Variants in RPP14 observed in about 807,000 individuals in gnomAD.
RPP14 encodes the protein ribonuclease P protein subunit p14.
Under a neutral mutation model 17.8 loss-of-function variants are expected in RPP14, and 19 were observed. That is an observed-to-expected ratio of 1.07 (90% CI 0.74 to 1.57). The LOEUF is 1.57. Ranked by LOEUF, RPP14 falls within the 40% of genes most tolerant of loss-of-function variation. The pLI, the probability that RPP14 is intolerant of heterozygous loss-of-function variation, is 0.00. For synonymous variants in RPP14, 60 were observed against 56.4 expected (o/e 1.06, Z -0.29); for missense variants, 125 against 140.8 (o/e 0.89, Z 0.57).
intron 3 of RPP14, among the ~76,000 whole-genome samples, chr3:58,314,240 A>G (rs1296560625): frequency 6.6e-6 from 1 of 152,116 alleles, no homozygotes; most frequent in Non-Finnish European, 1.5e-5. Context: ...AACCCCAGCT[A>G]CTCGGGAGGT....
rs1559793022 is a variant in RPP14, at chr3:58,310,497, C to G, written c.78-10C>G. 3.1e-6 allele frequency: 5 copies of G among 1,590,224 alleles called. No individual in the cohort carries two copies. Among genetic ancestry groups the G allele is most frequent in the Non-Finnish European group, 2.6e-6 (3 of 1,168,506 alleles). ...TTTAATATGACTTTTTTTTTTTTCA[C>G]TTTTTTTAGAGAATTTCAAGATTGT... On this transcript the variant is annotated splice_polypyrimidine_tract_variant and intron_variant, in intron 2 of 5. Transcript: ENST00000295959.
intron 1 of RPP14, among the ~76,000 whole-genome samples, chr3:58,307,595 G>A (rs2097476883): frequency 6.6e-6 from 1 of 152,112 alleles, no homozygotes; most frequent in African/African-American, 2.4e-5. Context: ...GCGTGATGAC[G>A]TACGCCTGTA....
intron 3 of RPP14, among the ~76,000 whole-genome samples, chr3:58,316,053 T>C (rs2097487976): frequency 1.3e-5 from 2 of 152,228 alleles, no homozygotes; most frequent in South Asian, 2.1e-4. Flanking sequence ...AAAATATCCC[T>C]GTGTGTACCT....
Position 58,317,487 on chromosome 3 carries a change from A to G in RPP14, c.366A>G (p.Val122=), listed in dbSNP as rs1337010996. The change falls in exon 6 of 6, where the codon GTA becomes GTG. Residue 122 remains valine (V), a synonymous_variant. Transcript: ENST00000295959. ...LALSGNSREL[V]LD is the part of the protein sequence containing the mutation. ...TATCTGGTAATAGTAGGGAACTAGT[A>G]TTGGATTGAATGAATAGTCTTCCAT... The G allele has an allele frequency of 2.5e-6, 4 of 1,581,506 alleles. No homozygotes were observed. Among genetic ancestry groups the G allele is most frequent in the Non-Finnish European group, 3.5e-6 (4 of 1,152,110 alleles).
intron 5 of RPP14, 112 bp downstream of exon 5, chr3:58,317,105 T>G (rs1223880945): frequency 5.2e-6 from 4 of 767,946 alleles, no homozygotes; most frequent in Non-Finnish European, 8.6e-6. Flanking sequence ...GTTAAAATGA[T>G]CTAAGTAGGG....
Position 58,312,337 on chromosome 3 carries a change from C to A in RPP14, c.162+1746C>A, listed in dbSNP as rs530728549. Among the ~76,000 whole-genome samples, 6 of 126,498 alleles carry A rather than the reference C, an allele frequency of 4.7e-5. 1 individual carries two copies. Among genetic ancestry groups the A allele is most frequent in the African/African-American group, 1.7e-4 (6 of 34,384 alleles). 83.0% of individuals were successfully genotyped at this position (126,498 alleles called of 152,430 possible). A position where few individuals can be genotyped will look rare whatever the true frequency, so the allele number is the denominator to read the frequency against. ...AGTGCAGTGGCACAACCTCCGCACC[C>A]CCCCCCGCCCCTCCCGGATTCAAGT... is the stretch of plus-strand genomic sequence containing the variant. On this transcript the variant is annotated intron_variant, in intron 3 of 5. Transcript: ENST00000295959.
intron 1 of RPP14, chr3:58,310,100 T>C: frequency 1.9e-6 from 1 of 535,130 alleles, no homozygotes; most frequent in South Asian, 2.3e-5. Flanking sequence ...CTCAGGAGTC[T>C]GAGGCAGGAG....
At chr3:58,316,037 T>A (rs115040656) in intron 3 of RPP14, among the ~76,000 whole-genome samples, 4,084 of 151,816 alleles carry the variant, frequency 0.027, 112 homozygotes, top group African/African-American at 0.067. Flanking sequence ...TACAAAATTT[T>A]AAAAAAAAAT....
chr3:58,316,870 TTC>T, intron 4 of RPP14, 43 bp from the exon 5 acceptor site: 3 of 1,484,702 alleles, frequency 2.0e-6, no homozygotes, highest in Non-Finnish European at 2.8e-6. Context: ...GTTCATTTTG[TTC>T]TCTGTCTATG....
chr3:58,308,907 A>G (rs1335339219), intron 1 of RPP14, among the ~76,000 whole-genome samples: 1 of 152,264 alleles, frequency 6.6e-6, no homozygotes. Context: ...ACCTATCCAG[A>G]GGGAGAGCAA....
At position 58,316,607 on chromosome 3, in the gene RPP14, G is replaced by T; in HGVS notation, c.239+16G>T. The T allele has an allele frequency of 6.2e-7, 1 of 1,605,710 alleles. No individual in the cohort carries two copies. Among genetic ancestry groups the T allele is most frequent in the Non-Finnish European group, 8.5e-7 (1 of 1,172,532 alleles). ...TATGTAGCAGGTATGACAGAGAGTG[G>T]GAAATTTCTAGTATAACAGGGCAGA... On this transcript the variant is annotated intron_variant, in intron 4 of 5. Transcript: ENST00000295959.
chr3:58,311,666 T>G (rs2097482370), intron 3 of RPP14, among the ~76,000 whole-genome samples: 1 of 134,376 alleles, frequency 7.4e-6, no homozygotes, highest in African/African-American at 2.7e-5. Context: ...AGTTCTACAT[T>G]TTGCCTATTG....
chr3:58,310,154 C>T, intron 1 of RPP14, 155 bp from the exon 2 acceptor site: 1 of 602,958 alleles, frequency 1.7e-6, no homozygotes, highest in Admixed American at 2.9e-5. Flanking sequence ...CTGCAGTGAA[C>T]TCTGATTGTA....
chr3:58,310,561 T>G lies in RPP14; in HGVS notation c.132T>G (p.Leu44=). The stretch of plus-strand genomic sequence containing the variant: ...ATGCTGCACAGTTCAAACAGCTGCT[T>G]ATTTCGGCTGTGAAGGACCTGTTTG... The part of the protein sequence containing the change: ...GLNAAQFKQL[L]ISAVKDLFGE... The change falls in exon 3 of 6, where the codon CTT becomes CTG. Residue 44 remains leucine, a synonymous_variant. Coordinates refer to ENST00000295959, the MANE Select transcript of RPP14 (RefSeq NM_007042.6). The G allele has an allele frequency of 6.2e-7, 1 of 1,613,342 alleles. No individual in the cohort carries two copies. Among genetic ancestry groups the G allele is most frequent in the Non-Finnish European group, 8.5e-7 (1 of 1,179,788 alleles).
rs1469998670 is a variant in RPP14, at chr3:58,310,633, G to A, written c.162+42G>A. On this transcript the variant is annotated intron_variant, in intron 3 of 5. Coordinates refer to ENST00000295959, the MANE Select transcript of RPP14 (RefSeq NM_007042.6). ...TAGATTGAACATTCCAAAGATCTTT[G>A]TAAGAAATACAGAAAGAGGCCGGGC... The A allele has an allele frequency of 1.9e-6, 3 of 1,546,840 alleles. No individual in the cohort carries two copies. The African/African-American group carries it at 4.2e-5, about 21-fold the overall frequency.
chr3:58,310,781 T>G (rs979568037), intron 3 of RPP14, among the ~76,000 whole-genome samples, 190 bp downstream of exon 3: 4 of 151,960 alleles, frequency 2.6e-5, no homozygotes, highest in African/African-American at 7.2e-5. Flanking sequence ...ACTGCAAAGA[T>G]AAGCTGGGTG....
chr3:58,310,681 C>G, intron 3 of RPP14, 90 bp downstream of exon 3: 2 of 1,135,482 alleles, frequency 1.8e-6, no homozygotes, highest in Admixed American at 4.4e-5. Flanking sequence ...GCCTGTAATC[C>G]CAGCACTTTG....
Position 58,308,617 on chromosome 3 carries a change from C to T in RPP14, c.-21-1692C>T, listed in dbSNP as rs185677173. Among the ~76,000 whole-genome samples, 706 of 152,246 alleles carry T rather than the reference C, an allele frequency of 4.6e-3. 2 individuals carry two copies. The highest frequency in any genetic ancestry group is 8.0e-3 in the Non-Finnish European group (543 of 68,012). ...GGATTGGTAGATGTAGCTCCTTGAC[C>T]CTGACTTCTTTTCTCCAGAGGTCAT... On this transcript the variant is annotated intron_variant, in intron 1 of 5. Coordinates refer to ENST00000295959, the MANE Select transcript of RPP14 (RefSeq NM_007042.6).
At chr3:58,317,301 G>T in intron 5 of RPP14, 139 bp from the exon 6 acceptor site, 2 of 629,134 alleles carry the variant, frequency 3.2e-6, no homozygotes, top group Non-Finnish European at 2.8e-6. Flanking sequence ...ACTTGTTATC[G>T]AAGGCTTCCT....
Sources: allele counts gnomAD v4.1 joint callset (sites outside exome capture counted in the v4.1 genomes callset), GRCh38; gene constraint gnomAD v4.1.1; transcripts MANE v1.5; gene names NCBI Gene and HGNC (gene_info 2026-07-23, HGNC 2026-07-21).